OPRM1: variants seen among roughly 807,000 people sequenced by gnomAD.
OPRM1 encodes the protein opioid receptor mu 1, also known as mu-type opioid receptor.
In OPRM1, 27 loss-of-function variants were observed where a neutral mutation model predicts 31.8. The ratio of observed to expected loss-of-function variants is 0.85; its 90% CI spans 0.63 to 1.17. The LOEUF (loss-of-function observed/expected upper bound fraction) is 1.17. OPRM1 is among the 50% of genes most tolerant of loss of function. The pLI is 0.00. For missense variants in OPRM1, 536 were observed against 511.1 expected, an observed-to-expected ratio of 1.05 and a Z score of -0.47; for synonymous variants, 196 against 189.9, an observed-to-expected ratio of 1.03 and a Z score of -0.26.
intron 1 of OPRM1, among the ~76,000 whole-genome samples, chr6:154,024,323 C>CAT (rs1392524414): frequency 6.6e-6 from 1 of 151,992 alleles, no homozygotes; most frequent in Non-Finnish European, 1.5e-5. Flanking sequence ...TATTTCTTGG[C>CAT]ATATAGCTGC....
rs1797617827 is a variant in OPRM1 at position 154,126,903 on chromosome 6, A to C, written c.*8182A>C. ...GAGGCGGGCGGAACACAAGGTCAGG[A>C]GATCAAGACCATCCTGGCCAATATG... On this transcript the variant is annotated 3_prime_UTR_variant, in exon 4 of 4. Transcript: ENST00000330432. 6.6e-6 allele frequency among the ~76,000 whole-genome samples: 1 copy of C among 152,118 alleles called. No homozygotes were observed. Among genetic ancestry groups the C allele is most frequent in the Non-Finnish European group, 1.5e-5 (1 of 68,020 alleles).
At chr6:154,180,514 C>G (rs1800779930) in intron 3 of OPRM1, among the ~76,000 whole-genome samples, 1 of 151,618 alleles carries the variant, frequency 6.6e-6, no homozygotes, top group African/African-American at 2.4e-5. Flanking sequence ...CAAGACCCTG[C>G]CAAATGAATG....
At chr6:154,213,006 C>A in intron 3 of OPRM1, 1 of 626,372 alleles carries the variant, frequency 1.6e-6, no homozygotes, top group African/African-American at 1.8e-5. Context: ...CTACCTGGTG[C>A]AAAGGAATTA....
chr6:154,152,782 T>C (rs1197204063), intron 3 of OPRM1, among the ~76,000 whole-genome samples: 1 of 152,198 alleles, frequency 6.6e-6, no homozygotes, highest in Non-Finnish European at 1.5e-5. Flanking sequence ...CAGACTGCAA[T>C]GCAGTAACCT....
At position 154,131,552 on chromosome 6, in the gene OPRM1, T is replaced by C. The variant is rs635522; in HGVS notation, c.*12831T>C. Among the ~76,000 whole-genome samples, 128,117 of 152,182 alleles carry C rather than the reference T, an allele frequency of 0.84. 54,611 individuals carry two copies. Among genetic ancestry groups the C allele is most frequent in the East Asian group, 0.98 (5,097 of 5,184 alleles). ...CCTGCTGCTCTGCACGTAGATTCAG[T>C]TTGTATGCCAGGGTGACATTTTAAT... On this transcript the variant is annotated 3_prime_UTR_variant, in exon 4 of 4. Coordinates refer to ENST00000330432, the MANE Select transcript of OPRM1 (RefSeq NM_000914.5).
rs11356195 is a variant in OPRM1 at position 154,126,194 on chromosome 6, GAA to G, written c.*7482_*7483del. On this transcript the variant is annotated 3_prime_UTR_variant, in exon 4 of 4. Coordinates refer to ENST00000330432, the MANE Select transcript of OPRM1 (RefSeq NM_000914.5). ...AAACCACAGAAGATATAGGAGAAGA[GAA>G]AAAAAAAAGAGGAAATAAAGAAGAC... is the stretch of plus-strand genomic sequence containing the variant. Among the ~76,000 whole-genome samples, 24 of 145,092 alleles carry G rather than the reference GAA, an allele frequency of 1.7e-4. No homozygotes were observed. Among genetic ancestry groups the G allele is most frequent in the African/African-American group, 2.6e-4 (10 of 39,208 alleles).
chr6:154,196,231 T>C (rs778135364), intron 3 of OPRM1, among the ~76,000 whole-genome samples: 7 of 152,174 alleles, frequency 4.6e-5, no homozygotes, highest in Admixed American at 1.3e-4. Flanking sequence ...ATTACATACT[T>C]CCTGAGGAGG....
intron 3 of OPRM1, among the ~76,000 whole-genome samples, chr6:154,228,213 C>T (rs969246055): frequency 6.6e-6 from 1 of 152,042 alleles, no homozygotes; most frequent in Non-Finnish European, 1.5e-5. Flanking sequence ...CGCCTGTAAT[C>T]CCAGCGCTTT....
chr6:154,106,314 A>T (rs1210870426), intron 3 of OPRM1, among the ~76,000 whole-genome samples: 1 of 152,212 alleles, frequency 6.6e-6, no homozygotes, highest in Non-Finnish European at 1.5e-5. Flanking sequence ...TTTTTGATGA[A>T]AACCTTGGTA....
intron 3 of OPRM1, among the ~76,000 whole-genome samples, chr6:154,103,352 AG>A (rs1165865339): frequency 1.3e-5 from 2 of 152,224 alleles, no homozygotes; most frequent in African/African-American, 4.8e-5. Context: ...GTACTTAGAA[AG>A]AAAGCAAGTA....
chr6:154,212,587 C>T (rs935622360), intron 3 of OPRM1, among the ~76,000 whole-genome samples: 2 of 152,192 alleles, frequency 1.3e-5, no homozygotes, highest in Admixed American at 6.5e-5. Context: ...GTTTATCATA[C>T]CACTGGGTTG....
intron 3 of OPRM1, among the ~76,000 whole-genome samples, chr6:154,203,862 G>C (rs1383342977): frequency 6.6e-6 from 1 of 152,138 alleles, no homozygotes; most frequent in African/African-American, 2.4e-5. Context: ...TCAGCCTCTG[G>C]GGGAGGAGCT....
chr6:154,105,719 A>G (rs1214175834), intron 3 of OPRM1, among the ~76,000 whole-genome samples: 1 of 152,228 alleles, frequency 6.6e-6, no homozygotes, highest in Non-Finnish European at 1.5e-5. Context: ...GGAGTTTCCC[A>G]TAACTTTGGA....
At chr6:154,094,035 C>A (rs1792902164) in intron 3 of OPRM1, among the ~76,000 whole-genome samples, 1 of 152,210 alleles carries the variant, frequency 6.6e-6, no homozygotes, top group African/African-American at 2.4e-5. Context: ...CATGACCCAT[C>A]ATGTTGGAAA....
chr6:154,223,358 G>GATACCA lies in OPRM1; in HGVS notation c.1165-23333_1165-23328dup, dbSNP rs1779013067. ...TAAATGACATGAGGGAGAATCAAGA[G>GATACCA]ATACCAACCACCCTGAATCACCATG... On this transcript the variant is annotated intron_variant, in intron 3 of 3. Coordinates refer to the OPRM1 transcript ENST00000337049. 3.8e-6 allele frequency: 3 copies of GATACCA among 787,522 alleles called. No individual in the cohort carries two copies. The Admixed American group carries it at 6.1e-5, about 16-fold the overall frequency. The allele number at this position is 787,522 out of a possible 1,614,324, so 48.8% of individuals were successfully genotyped here.
At chr6:154,210,017 C>T (rs1777839773) in intron 3 of OPRM1, among the ~76,000 whole-genome samples, 1 of 152,192 alleles carries the variant, frequency 6.6e-6, no homozygotes, top group Non-Finnish European at 1.5e-5. Context: ...AGTATCCCTT[C>T]ATTTATTTAT....
intron 1 of OPRM1, among the ~76,000 whole-genome samples, chr6:154,017,304 G>C (rs533211876): frequency 1.3e-5 from 2 of 152,282 alleles, no homozygotes; most frequent in East Asian, 3.9e-4. Context: ...GCATGGGCGA[G>C]TATTGATTTT....
At chr6:154,030,199 G>A (rs147414833) in intron 1 of OPRM1, among the ~76,000 whole-genome samples, 441 of 145,772 alleles carry the variant, frequency 3.0e-3, no homozygotes, top group African/African-American at 0.012. Context: ...GTCTCCCCTT[G>A]GTGTGCATTT....
chr6:154,090,034 C>T lies in OPRM1; in HGVS notation c.499C>T (p.Arg167Ter), dbSNP rs201245081. 5.1e-5 allele frequency: 83 copies of T among 1,613,892 alleles called. No homozygotes were observed. Among genetic ancestry groups the T allele is most frequent in the Non-Finnish European group, 6.1e-5 (72 of 1,179,902 alleles). ...CACCCTCTGCACCATGAGTGTTGAT[C>T]GATACATTGCAGTCTGCCACCCTGT... is the stretch of plus-strand genomic sequence containing the variant. ...IFTLCTMSVD[R>*]YIAVCHPVKA... Residue 167 changes from arginine (R) to a stop codon, truncating the protein, a stop_gained, in exon 2 of 4, where the codon CGA becomes TGA. Transcript: ENST00000330432. LOFTEE classifies it high-confidence loss of function.
Sources: gnomAD v4.1 joint callset for allele counts (sites outside exome capture counted in the v4.1 genomes callset) on GRCh38, gnomAD v4.1.1 for gene constraint, MANE v1.5 for transcripts, NCBI Gene and HGNC (gene_info 2026-07-23, HGNC 2026-07-21) for gene names.